NHS: variants seen among roughly 807,000 people sequenced by gnomAD.
NHS encodes the protein NHS actin remodeling regulator, also known as actin remodeling regulator NHS.
In NHS, 5 loss-of-function variants were observed where a neutral mutation model predicts 72.5. The observed-to-expected ratio is 0.07, with a 90% CI of 0.04 to 0.14. NHS has a LOEUF of 0.14. Among genes scored for constraint, NHS ranks in the 10% least tolerant of loss-of-function variants. The pLI, the probability that NHS is intolerant of heterozygous loss-of-function variation, is 1.00. For missense variants in NHS, 1,072 were observed against 1,355.7 expected (o/e 0.79, Z 3.29); for synonymous variants, 464 against 547.7 (o/e 0.85, Z 2.13).
At chrX:17,658,408 A>G (rs1357053875) in intron 1 of NHS, among the ~76,000 whole-genome samples, 1 of 112,591 alleles carries the variant, frequency 8.9e-6, no homozygotes, top group Non-Finnish European at 1.9e-5. Flanking sequence ...TCAAGATGGA[A>G]TCTACCAAGT....
At chrX:17,499,473 G>T (rs768996046) in intron 1 of NHS, among the ~76,000 whole-genome samples, 4 of 111,629 alleles carry the variant, frequency 3.6e-5, no homozygotes, top group African/African-American at 1.3e-4. Context: ...TGCTATCATG[G>T]GTGACTTATT....
At chrX:17,524,708 C>T (rs2065164763) in intron 1 of NHS, among the ~76,000 whole-genome samples, 3 of 112,507 alleles carry the variant, frequency 2.7e-5, no homozygotes, top group Admixed American at 9.4e-5. Context: ...TCAGGAGGCA[C>T]AGATGTCCAT....
chrX:17,570,475 G>A (rs747995817), intron 1 of NHS, among the ~76,000 whole-genome samples: 3 of 111,747 alleles, frequency 2.7e-5, no homozygotes, highest in East Asian at 2.8e-4. Flanking sequence ...CTGTTTGTCT[G>A]TTATTGGTGT....
At chrX:17,430,820 T>A (rs758563390) in intron 1 of NHS, among the ~76,000 whole-genome samples, 1 of 112,764 alleles carries the variant, frequency 8.9e-6, no homozygotes, top group South Asian at 3.6e-4. Context: ...TTCCTTTTTA[T>A]GGATTAAATA....
chrX:17,707,966 C>T (rs189951816), intron 3 of NHS, among the ~76,000 whole-genome samples: 151 of 111,881 alleles, frequency 1.3e-3, no homozygotes, highest in Non-Finnish European at 2.6e-3. Context: ...CATATCCAGA[C>T]TTGTCCTAGA....
At chrX:17,447,917 T>A (rs190423546) in intron 1 of NHS, among the ~76,000 whole-genome samples, 49 of 111,553 alleles carry the variant, frequency 4.4e-4, no homozygotes, top group African/African-American at 1.6e-3. Flanking sequence ...CTATTTTTGC[T>A]TAGAAAGACC....
intron 1 of NHS, among the ~76,000 whole-genome samples, chrX:17,572,818 G>A (rs2065488874): frequency 9.0e-6 from 1 of 111,475 alleles, no homozygotes; most frequent in South Asian, 3.8e-4. Flanking sequence ...GGCTGGTACC[G>A]GTTGCTCCTT....
chrX:17,655,501 G>C (rs767742823), intron 1 of NHS, among the ~76,000 whole-genome samples: 1 of 112,689 alleles, frequency 8.9e-6, no homozygotes, highest in South Asian at 3.7e-4. Context: ...GCTGGGGACT[G>C]AGTCCTGCAG....
In NHS at chrX:17,497,986, G is replaced by C. The variant is rs143870655; in HGVS notation, c.565+121664G>C. ...CTTTTGTACACATCAGAATTGCCTA[G>C]GGATCTTTGAAAAGTCCCACTGCCA... On this transcript the variant is annotated intron_variant, in intron 1 of 8. Coordinates refer to ENST00000676302, the MANE Select transcript of NHS (RefSeq NM_001291867.2). 1.3e-4 allele frequency among the ~76,000 whole-genome samples: 14 copies of C among 111,722 alleles called. No individual in the cohort carries two copies. In the East Asian group the frequency reaches 3.7e-3, roughly 29 times the overall value.
In NHS at chrX:17,641,035, T is replaced by G. The variant is rs777517440; in HGVS notation, c.566-46707T>G. Among the ~76,000 whole-genome samples the G allele has an allele frequency of 2.7e-5, 3 of 112,351 alleles. No individual in the cohort carries two copies. In the South Asian group the frequency reaches 1.1e-3, roughly 41 times the overall value. On this transcript the variant is annotated intron_variant, in intron 1 of 8. Coordinates refer to ENST00000676302, the MANE Select transcript of NHS (RefSeq NM_001291867.2). Reference sequence around the variant, plus strand: ...TTGAGTGTTTTTCCCTAAGAAAGAGTTGATCTGTTGCTTCTTTTGATTAGG... The same window carrying G: ...TTGAGTGTTTTTCCCTAAGAAAGAGGTGATCTGTTGCTTCTTTTGATTAGG...
chrX:17,727,956 G>C lies in NHS; in HGVS notation c.3850G>C (p.Asp1284His), dbSNP rs2066461207. ...FQRVSAARPN[D>H]LDGKIIQYGP... ...GAGGGTCTCTGCTGCCCGCCCAAAT[G>C]ATTTGGATGGTAAAATAATACAATA... The change falls in exon 7 of 9, where the codon GAT (aspartate) becomes CAT (histidine). Residue 1284 changes from aspartate (D) to histidine (H), a missense_variant. Transcript: ENST00000676302. 8 of 1,211,452 alleles carry C rather than the reference G, an allele frequency of 6.6e-6. No homozygotes were observed. Among genetic ancestry groups the C allele is most frequent in the Non-Finnish European group, 7.8e-6 (7 of 895,469 alleles).
In NHS at chrX:17,657,792, C is replaced by T. The variant is rs1375438736; in HGVS notation, c.566-29950C>T. On this transcript the variant is annotated intron_variant, in intron 1 of 8. Transcript: ENST00000676302. The stretch of plus-strand genomic sequence containing the variant: ...GATCCAGCCATATGTATGGGGCTTC[C>T]TCCTTTGCACTTTAAAGCCAACAAG... Among the ~76,000 whole-genome samples, 7 of 112,883 alleles carry T rather than the reference C, an allele frequency of 6.2e-5. No individual in the cohort carries two copies. In the Admixed American group the frequency reaches 6.5e-4, roughly 10 times the overall value.
intron 3 of NHS, among the ~76,000 whole-genome samples, chrX:17,718,549 A>G (rs2066380327): frequency 1.0e-5 from 1 of 100,126 alleles, no homozygotes; most frequent in Non-Finnish European, 2.0e-5. Context: ...GGAAGGAGGG[A>G]AGGAAGAAAG....
intron 1 of NHS, among the ~76,000 whole-genome samples, chrX:17,631,552 T>C (rs1362489353): frequency 8.9e-6 from 1 of 111,841 alleles, no homozygotes; most frequent in Non-Finnish European, 1.9e-5. Flanking sequence ...ATTAAATAAC[T>C]GAATGAAGGT....
At chrX:17,712,276 TATATATATATATATAC>T (rs1243773145) in intron 3 of NHS, among the ~76,000 whole-genome samples, 14 of 81,008 alleles carry the variant, frequency 1.7e-4, no homozygotes, top group African/African-American at 6.1e-4. Flanking sequence ...TATATATATA[TATATATATATATATAC>T]ACACACACAC....
chrX:17,509,362 G>T (rs2065075235), intron 1 of NHS, among the ~76,000 whole-genome samples: 1 of 110,073 alleles, frequency 9.1e-6, no homozygotes, highest in Non-Finnish European at 1.9e-5. Flanking sequence ...GAGTAGCTGG[G>T]ACTACAGGCA....
At chrX:17,583,585 C>T (rs2065556297) in intron 1 of NHS, among the ~76,000 whole-genome samples, 2 of 112,355 alleles carry the variant, frequency 1.8e-5, no homozygotes, top group Non-Finnish European at 3.8e-5. Context: ...CAGGTGAATT[C>T]GGAAGACCTA....
chrX:17,573,047 A>C (rs1358148405), intron 1 of NHS, among the ~76,000 whole-genome samples: 2 of 112,252 alleles, frequency 1.8e-5, no homozygotes, highest in African/African-American at 6.5e-5. Flanking sequence ...CAGAGAGATC[A>C]GCTGTTAGTC....
intron 1 of NHS, among the ~76,000 whole-genome samples, chrX:17,547,302 G>A (rs1200031262): frequency 8.9e-6 from 1 of 112,606 alleles, no homozygotes; most frequent in Non-Finnish European, 1.9e-5. Context: ...GCGCTGCTGA[G>A]CCCATCCCTA....
Sources: gnomAD v4.1 joint callset for allele counts (sites outside exome capture counted in the v4.1 genomes callset) on GRCh38, gnomAD v4.1.1 for gene constraint, MANE v1.5 for transcripts, NCBI Gene and HGNC (gene_info 2026-07-23, HGNC 2026-07-21) for gene names.